ZPBP: variants seen among roughly 807,000 people sequenced by gnomAD.
ZPBP encodes zona pellucida-binding protein 1.
ZPBP carries 26 observed loss-of-function variants against 44.8 expected under a neutral mutation model. That is an observed-to-expected ratio of 0.58 (90% CI 0.43 to 0.81). The LOEUF (loss-of-function observed/expected upper bound fraction) is 0.81. ZPBP is among the 30% of genes least tolerant of loss of function. The pLI, the probability that ZPBP is intolerant of heterozygous loss-of-function variation, is 0.00. For synonymous variants in ZPBP, 174 were observed against 153.2 expected (o/e 1.14, Z -1.00); for missense variants, 409 against 434.0 (o/e 0.94, Z 0.51).
intron 7 of ZPBP, among the ~76,000 whole-genome samples, chr7:49,946,247 C>T (rs1457675832): frequency 6.6e-6 from 1 of 152,030 alleles, no homozygotes; most frequent in Non-Finnish European, 1.5e-5. Context: ...AGTGTTTATA[C>T]ACCACTATTG....
intron 2 of ZPBP, among the ~76,000 whole-genome samples, chr7:49,869,666 C>T (rs554518191): frequency 6.6e-6 from 1 of 152,166 alleles, no homozygotes; most frequent in Non-Finnish European, 1.5e-5. Flanking sequence ...AAGAAACCTG[C>T]CAATAGCAAG....
chr7:50,071,256 G>A (rs1801818931), intron 3 of ZPBP, among the ~76,000 whole-genome samples: 1 of 152,132 alleles, frequency 6.6e-6, no homozygotes, highest in Non-Finnish European at 1.5e-5. Context: ...TCCTGTTAGA[G>A]CAGAAAGGAA....
At chr7:49,967,550 A>G (rs1796111569) in intron 7 of ZPBP, among the ~76,000 whole-genome samples, 2 of 151,852 alleles carry the variant, frequency 1.3e-5, no homozygotes, top group South Asian at 4.2e-4. Context: ...ATTTTATTTT[A>G]TATTTTATTT....
chr7:49,936,346 C>T (rs903377689), downstream of ZPBP, among the ~76,000 whole-genome samples: 1 of 152,174 alleles, frequency 6.6e-6, no homozygotes, highest in Non-Finnish European at 1.5e-5. Flanking sequence ...AGTAGAGCCA[C>T]ATGTCATTTA....
intron 5 of ZPBP, among the ~76,000 whole-genome samples, chr7:50,029,581 A>T (rs1045935585): frequency 2.6e-5 from 4 of 152,224 alleles, no homozygotes; most frequent in African/African-American, 9.6e-5. Flanking sequence ...ATTAACAAGA[A>T]TACAGTATTT....
At chr7:49,937,378 CAT>C, downstream of ZPBP, 1 of 634,368 alleles carries the variant, frequency 1.6e-6, no homozygotes. Context: ...TTTTCATCCT[CAT>C]AAAACATTTG....
chr7:49,978,530 C>T (rs942259241), intron 7 of ZPBP, among the ~76,000 whole-genome samples: 4 of 152,014 alleles, frequency 2.6e-5, no homozygotes, highest in Non-Finnish European at 4.4e-5. Flanking sequence ...TCACCTACTA[C>T]GGAGAAAGTA....
chr7:50,002,858 T>C (rs1375650448), intron 6 of ZPBP, among the ~76,000 whole-genome samples: 2 of 152,166 alleles, frequency 1.3e-5, no homozygotes, highest in Non-Finnish European at 2.9e-5. Context: ...AATATCAAAA[T>C]TCCCAGCACC....
At chr7:50,092,365 C>T (rs1803037614) in intron 1 of ZPBP, among the ~76,000 whole-genome samples, 1 of 152,154 alleles carries the variant, frequency 6.6e-6, no homozygotes, top group Admixed American at 6.5e-5. Flanking sequence ...CCTCCACAAA[C>T]CTTTTACATT....
At chr7:49,939,144 C>T (rs1794748788) in intron 7 of ZPBP, among the ~76,000 whole-genome samples, 1 of 152,156 alleles carries the variant, frequency 6.6e-6, no homozygotes, top group African/African-American at 2.4e-5. Context: ...GGCACATTTT[C>T]TCTCAAAGCA....
intron 2 of ZPBP, among the ~76,000 whole-genome samples, chr7:50,085,691 G>A (rs35569576): frequency 0.032 from 4,855 of 152,140 alleles, 106 homozygotes; most frequent in Non-Finnish European, 0.048. Flanking sequence ...AAAAGAATTC[G>A]TTAAAAACAA....
At chr7:50,030,561 G>A (rs1478498831) in intron 5 of ZPBP, among the ~76,000 whole-genome samples, 2 of 151,866 alleles carry the variant, frequency 1.3e-5, no homozygotes, top group Admixed American at 6.6e-5. Flanking sequence ...TGAGATGAAA[G>A]GGGAAGGGTG....
chr7:50,023,315 T>A (rs1799177136), intron 5 of ZPBP, among the ~76,000 whole-genome samples: 2 of 151,996 alleles, frequency 1.3e-5, no homozygotes, highest in South Asian at 4.1e-4. Flanking sequence ...CCCCCATACA[T>A]GCATACATTA....
chr7:49,925,972 A>G (rs1368549701), intron 1 of ZPBP, among the ~76,000 whole-genome samples: 3 of 152,222 alleles, frequency 2.0e-5, no homozygotes, highest in African/African-American at 7.2e-5. Flanking sequence ...CAGCGAATGT[A>G]GCTTACTTGG....
intron 1 of ZPBP, among the ~76,000 whole-genome samples, chr7:49,925,736 C>T (rs796082924): frequency 4.6e-5 from 7 of 152,340 alleles, no homozygotes; most frequent in African/African-American, 1.7e-4. Context: ...GTCTTTCCTT[C>T]CAGGCCCCTG....
intron 2 of ZPBP, among the ~76,000 whole-genome samples, chr7:49,893,160 A>G (rs1379027906): frequency 1.3e-5 from 2 of 152,212 alleles, no homozygotes; most frequent in African/African-American, 4.8e-5. Context: ...GATATATTTT[A>G]TATCTTGAAT....
At chr7:49,896,340 CA>C (rs1320016420) in intron 2 of ZPBP, among the ~76,000 whole-genome samples, 6 of 151,704 alleles carry the variant, frequency 4.0e-5, no homozygotes, top group Admixed American at 3.9e-4. Context: ...GACTCTACTT[CA>C]AAAAAAGGAA....
chr7:49,891,738 C>G (rs952005574), intron 2 of ZPBP, among the ~76,000 whole-genome samples: 6 of 152,194 alleles, frequency 3.9e-5, no homozygotes, highest in African/African-American at 1.4e-4. Context: ...AGTACACATG[C>G]CCTGTGACCC....
intron 3 of ZPBP, among the ~76,000 whole-genome samples, chr7:50,064,149 C>T (rs1391172103): frequency 1.3e-5 from 2 of 152,238 alleles, no homozygotes; most frequent in East Asian, 1.9e-4. Flanking sequence ...CCGGGGGAGA[C>T]ATCACACGTT....
Sources: gnomAD v4.1 joint callset for allele counts (sites outside exome capture counted in the v4.1 genomes callset) on GRCh38, gnomAD v4.1.1 for gene constraint, MANE v1.5 for transcripts, NCBI Gene and HGNC (gene_info 2026-07-23, HGNC 2026-07-21) for gene names.